PDS5A: variants seen among roughly 807,000 people sequenced by gnomAD.
PDS5A encodes PDS5 cohesin associated factor A, also known as sister chromatid cohesion protein PDS5 homolog A.
A neutral mutation model predicts 167.1 loss-of-function variants in PDS5A; 42 were observed. The observed-to-expected ratio is 0.25, with a 90% CI of 0.20 to 0.33. The LOEUF is 0.33. PDS5A is among the 10% of genes least tolerant of loss of function. The pLI is 1.00. For missense variants in PDS5A, 1,033 were observed against 1,605.9 expected (o/e 0.64, Z 6.10); for synonymous variants, 553 against 554.6 (o/e 1.00, Z 0.04).
Position 39,926,759 on chromosome 4 carries a change from G to GTTTT in PDS5A, c.429+12_429+15dup. ...TGAAATAATGTTAATAGTTATTAAAGTTTTTTTTTTTTTACCTCTAATAAA... is the reference window on the plus strand; with the variant it reads ...TGAAATAATGTTAATAGTTATTAAAGTTTTTTTTTTTTTTTTTACCTCTAATAAA... On this transcript the variant is annotated intron_variant, in intron 4 of 32. Coordinates refer to ENST00000303538, the MANE Select transcript of PDS5A (RefSeq NM_001100399.2). 9 of 1,049,922 alleles carry GTTTT rather than the reference G, an allele frequency of 8.6e-6. No individual in the cohort carries two copies. Among genetic ancestry groups the GTTTT allele is most frequent in the Non-Finnish European group, 1.1e-5 (9 of 787,746 alleles). 65.0% of individuals were successfully genotyped at this position (1,049,922 alleles called of 1,614,324 possible).
chr4:39,899,555 A>C (rs1369347654), intron 14 of PDS5A, among the ~76,000 whole-genome samples: 1 of 152,076 alleles, frequency 6.6e-6, no homozygotes, highest in Non-Finnish European at 1.5e-5. Flanking sequence ...TTTATTTTCA[A>C]AGTTTGCTAG....
intron 28 of PDS5A, chr4:39,846,344 CA>C (rs1717596726): frequency 6.6e-6 from 1 of 152,166 alleles, no homozygotes; most frequent in Admixed American, 6.5e-5. Context: ...TACAAAAATA[CA>C]AAATTAGCTA....
chr4:39,874,222 T>A, intron 20 of PDS5A, 67 bp downstream of exon 20: 2 of 1,371,698 alleles, frequency 1.5e-6, no homozygotes, highest in Non-Finnish European at 2.0e-6. Context: ...CTAGCTTCCA[T>A]CTTCATCAAA....
intron 13 of PDS5A, among the ~76,000 whole-genome samples, chr4:39,901,630 G>A (rs1195264925): frequency 6.6e-6 from 1 of 152,086 alleles, no homozygotes; most frequent in Non-Finnish European, 1.5e-5. Context: ...ATGGCAAACA[G>A]TCAAATTCCT....
At chr4:39,847,755 G>A (rs1252494229) in intron 28 of PDS5A, 6 of 151,982 alleles carry the variant, frequency 3.9e-5, no homozygotes, top group Non-Finnish European at 7.4e-5. Flanking sequence ...AGTAAAGTAC[G>A]GCATTCAAAG....
Position 39,866,935 on chromosome 4 carries a change from A to C in PDS5A, c.2568T>G (p.Ser856=). The change falls in exon 23 of 33, where the codon TCT becomes TCG. Residue 856 remains serine, a synonymous_variant. Coordinates refer to ENST00000303538, the MANE Select transcript of PDS5A (RefSeq NM_001100399.2). ...LLGMKNNQSK[S]ANSTLRLLSA... The stretch of plus-strand genomic sequence containing the variant: ...ATAATAACCGAAGGGTTGAATTGGC[A>C]GATTTAGACTGGTTGTTTTTCATAC... 1 of 1,612,944 alleles carries C rather than the reference A, an allele frequency of 6.2e-7. No individual in the cohort carries two copies. Among genetic ancestry groups the C allele is most frequent in the Non-Finnish European group, 8.5e-7 (1 of 1,179,240 alleles).
At chr4:39,975,718 C>T (rs896243789) in intron 2 of PDS5A, among the ~76,000 whole-genome samples, 1 of 152,110 alleles carries the variant, frequency 6.6e-6, no homozygotes, top group Admixed American at 6.6e-5. Flanking sequence ...GTCAAAGTTG[C>T]CCTGACTCAG....
chr4:39,973,981 C>T, intron 2 of PDS5A: 1 of 489,000 alleles, frequency 2.0e-6, no homozygotes, highest in Non-Finnish European at 3.8e-6. Context: ...AAAAAATTAG[C>T]CGGGCATGAT....
At chr4:39,969,890 A>G (rs1233798191) in intron 2 of PDS5A, among the ~76,000 whole-genome samples, 5 of 151,954 alleles carry the variant, frequency 3.3e-5, no homozygotes. Context: ...CAGAGAAGCT[A>G]AAGAGACAAA....
chr4:39,859,782 C>T (rs370671215), intron 26 of PDS5A, among the ~76,000 whole-genome samples: 17 of 152,336 alleles, frequency 1.1e-4, no homozygotes, highest in African/African-American at 3.8e-4. Context: ...CCACTCCAGT[C>T]CTGTCCCATG....
At chr4:39,951,336 G>A (rs1728335391) in intron 2 of PDS5A, among the ~76,000 whole-genome samples, 1 of 152,190 alleles carries the variant, frequency 6.6e-6, no homozygotes, top group Non-Finnish European at 1.5e-5. Flanking sequence ...CATGGGGGCT[G>A]TGATAAATTA....
At chr4:39,830,429 A>G (rs1420388315) in intron 32 of PDS5A, among the ~76,000 whole-genome samples, 1 of 151,884 alleles carries the variant, frequency 6.6e-6, no homozygotes, top group Non-Finnish European at 1.5e-5. Flanking sequence ...ATTTTTGTTA[A>G]TTTTCATTTT....
At chr4:39,867,763 CACACACACACA>C (rs748778100) in intron 22 of PDS5A, among the ~76,000 whole-genome samples, 66 of 150,322 alleles carry the variant, frequency 4.4e-4, no homozygotes, top group Middle Eastern at 3.4e-3. Context: ...CACACACACA[CACACACACACA>C]CCCCACAACT....
At chr4:39,930,349 T>G (rs1187426638) in intron 2 of PDS5A, among the ~76,000 whole-genome samples, 2 of 142,900 alleles carry the variant, frequency 1.4e-5, no homozygotes, top group African/African-American at 2.6e-5. Flanking sequence ...TGCCTCAGCC[T>G]CCCAAAGTGT....
At chr4:39,924,547 T>C (rs922030572) in intron 5 of PDS5A, among the ~76,000 whole-genome samples, 17 of 152,324 alleles carry the variant, frequency 1.1e-4, no homozygotes, top group African/African-American at 4.1e-4. Context: ...AAATATGATA[T>C]AGCATTCATT....
At chr4:39,955,385 T>C (rs1246645716) in intron 2 of PDS5A, among the ~76,000 whole-genome samples, 1 of 152,094 alleles carries the variant, frequency 6.6e-6, no homozygotes, top group African/African-American at 2.4e-5. Context: ...GCAGATCACC[T>C]GAAATCAGGA....
At chr4:39,859,325 G>C (rs1718793462) in intron 26 of PDS5A, among the ~76,000 whole-genome samples, 1 of 151,990 alleles carries the variant, frequency 6.6e-6, no homozygotes, top group South Asian at 2.1e-4. Flanking sequence ...CTGTCACCCA[G>C]GCTAGAATGC....
At chr4:39,945,458 CAA>C (rs1210256217) in intron 2 of PDS5A, among the ~76,000 whole-genome samples, 29 of 66,802 alleles carry the variant, frequency 4.3e-4, no homozygotes, top group East Asian at 7.8e-4. Context: ...GAGACTGCCT[CAA>C]AAAAAAAAAA....
intron 2 of PDS5A, among the ~76,000 whole-genome samples, chr4:39,949,630 A>G (rs1291857629): frequency 6.6e-6 from 1 of 151,644 alleles, no homozygotes; most frequent in African/African-American, 2.4e-5. Flanking sequence ...CAGGAGTTCA[A>G]GACCGGACTG....
Sources: gnomAD v4.1 joint callset for allele counts (sites outside exome capture counted in the v4.1 genomes callset) on GRCh38, gnomAD v4.1.1 for gene constraint, MANE v1.5 for transcripts, NCBI Gene and HGNC (gene_info 2026-07-23, HGNC 2026-07-21) for gene names.